Variants in SNX29 observed in about 807,000 individuals in gnomAD.
SNX29 encodes sorting nexin 29, also known as sorting nexin-29.
Under a neutral mutation model 102.1 loss-of-function variants are expected in SNX29, and 78 were observed. That is an observed-to-expected ratio of 0.76 (90% CI 0.64 to 0.92). The LOEUF is 0.92. Among genes scored for constraint, SNX29 ranks in the 40% least tolerant of loss-of-function variants. The pLI, the probability that SNX29 is intolerant of heterozygous loss-of-function variation, is 0.00. For missense variants in SNX29, 1,280 were observed against 1,061.7 expected, an observed-to-expected ratio of 1.21 and a Z score of -2.86; for synonymous variants, 580 against 414.5, an observed-to-expected ratio of 1.40 and a Z score of -4.85.
At chr16:12,356,389 T>C (rs1030649230) in intron 16 of SNX29, 110 bp downstream of exon 16, 3 of 934,210 alleles carry the variant, frequency 3.2e-6, no homozygotes, top group Admixed American at 4.5e-5. Flanking sequence ...TGGCCAGATT[T>C]GCCCACATTC....
At chr16:12,008,731 G>GTTTTTTTTTTTTTTTT (rs57686878) in intron 3 of SNX29, among the ~76,000 whole-genome samples, 1 of 139,954 alleles carries the variant, frequency 7.1e-6, no homozygotes. Context: ...ATTGTATTTA[G>GTTTTTTTTTTTTTTTT]TTTTTTTTTT....
rs1279486219 is a variant in SNX29, at chr16:12,353,650, A to T, written c.1783-2513A>T. Among the ~76,000 whole-genome samples the T allele has an allele frequency of 6.6e-5, 10 of 152,190 alleles. No individual in the cohort carries two copies. The East Asian group carries it at 1.9e-3, about 29-fold the overall frequency. ...GCACCTGTAGTTTCCTCCACTGGTCATACCTTTCTCTTCCTTGTCTCCAGG... is the reference window on the plus strand; with the variant it reads ...GCACCTGTAGTTTCCTCCACTGGTCTTACCTTTCTCTTCCTTGTCTCCAGG... On this transcript the variant is annotated intron_variant, in intron 15 of 20. Coordinates refer to ENST00000566228, the MANE Select transcript of SNX29 (RefSeq NM_032167.5).
chr16:12,207,094 C>T (rs547221882), intron 14 of SNX29, among the ~76,000 whole-genome samples: 6 of 152,166 alleles, frequency 3.9e-5, no homozygotes, highest in East Asian at 1.9e-4. Flanking sequence ...CTAGGCCAAG[C>T]GCGGTTGCTC....
intron 20 of SNX29, among the ~76,000 whole-genome samples, chr16:12,554,766 T>C (rs1442501131): frequency 6.6e-6 from 1 of 152,064 alleles, no homozygotes; most frequent in Non-Finnish European, 1.5e-5. Context: ...GAACGTGCTC[T>C]CTCCCCCGCC....
At chr16:12,033,332 G>A (rs1234102397) in intron 4 of SNX29, among the ~76,000 whole-genome samples, 1 of 151,570 alleles carries the variant, frequency 6.6e-6, no homozygotes. Context: ...CAAATTCCTT[G>A]CCCTAAGTGA....
chr16:12,412,898 C>T (rs1050443875), intron 18 of SNX29, among the ~76,000 whole-genome samples: 3 of 152,204 alleles, frequency 2.0e-5, no homozygotes, highest in East Asian at 1.9e-4. Flanking sequence ...ATTGGTGACA[C>T]TTTCTAGCCA....
intron 14 of SNX29, among the ~76,000 whole-genome samples, chr16:12,243,617 C>G (rs1301425712): frequency 6.6e-6 from 1 of 152,124 alleles, no homozygotes; most frequent in Non-Finnish European, 1.5e-5. Flanking sequence ...CAGTCTGATA[C>G]CCTATTTTGG....
chr16:12,117,596 C>T lies in SNX29; in HGVS notation c.1403-9037C>T, dbSNP rs1386901874. Among the ~76,000 whole-genome samples the T allele has an allele frequency of 2.0e-5, 3 of 152,168 alleles. No homozygotes were observed. The East Asian group carries it at 5.8e-4, about 29-fold the overall frequency. The stretch of plus-strand genomic sequence containing the variant: ...AAATTCATAGAGACGCAATGTGGAT[C>T]AGAGGTTGCCAGGGAGGAGGATGAA... On this transcript the variant is annotated intron_variant, in intron 11 of 20. Coordinates refer to ENST00000566228, the MANE Select transcript of SNX29 (RefSeq NM_032167.5).
At chr16:12,331,149 G>T (rs1317072285) in intron 15 of SNX29, among the ~76,000 whole-genome samples, 1 of 152,178 alleles carries the variant, frequency 6.6e-6, no homozygotes, top group African/African-American at 2.4e-5. Flanking sequence ...GGCCTGACTG[G>T]CCCTTCTCCA....
chr16:12,432,246 C>T (rs1031801762), intron 18 of SNX29, among the ~76,000 whole-genome samples: 13 of 152,218 alleles, frequency 8.5e-5, no homozygotes, highest in African/African-American at 3.1e-4. Context: ...TTTACGCATT[C>T]GCCAATTACC....
chr16:12,027,326 C>T lies in SNX29; in HGVS notation c.129C>T (p.Thr43=), dbSNP rs1344452081. 1 of 1,613,670 alleles carries T rather than the reference C, an allele frequency of 6.2e-7. No homozygotes were observed. The highest frequency in any genetic ancestry group is 1.3e-5 in the African/African-American group (1 of 74,904). ...GTCATTGGTTTTCTCACAGGGTCACCTGTCTGTGTGCCCAGTTTGAAGCCG... is the reference window on the plus strand; with the variant it reads ...GTCATTGGTTTTCTCACAGGGTCACTTGTCTGTGTGCCCAGTTTGAAGCCG... ...EIASDSDSRV[T]CLCAQFEAVL... Residue 43 remains threonine, a synonymous_variant, in exon 4 of 21, where the codon ACC becomes ACT. Transcript: ENST00000566228.
chr16:12,091,014 C>CAAAAAAAAAAAAA (rs58933500), intron 11 of SNX29, among the ~76,000 whole-genome samples: 27 of 53,430 alleles, frequency 5.1e-4, no homozygotes, highest in East Asian at 1.2e-3. Context: ...GACTTCATCT[C>CAAAAAAAAAAAAA]AAAAAAAAAA....
At chr16:12,555,811 A>C (rs2078303988) in intron 20 of SNX29, among the ~76,000 whole-genome samples, 1 of 151,854 alleles carries the variant, frequency 6.6e-6, no homozygotes. Context: ...CTGCCTCTGC[A>C]AGAAAGGTGC....
intron 18 of SNX29, among the ~76,000 whole-genome samples, chr16:12,445,693 C>T (rs1467038755): frequency 1.3e-5 from 2 of 152,186 alleles, no homozygotes; most frequent in African/African-American, 4.8e-5. Context: ...TTTCTGCAGC[C>T]CATCAGCTTC....
intron 19 of SNX29, among the ~76,000 whole-genome samples, chr16:12,489,882 C>A (rs977023620): frequency 6.6e-6 from 1 of 152,054 alleles, no homozygotes; most frequent in African/African-American, 2.4e-5. Flanking sequence ...CTTGGCTCAC[C>A]GCAACCTCTA....
At chr16:12,421,864 T>TCACCAG (rs952839252) in intron 18 of SNX29, among the ~76,000 whole-genome samples, 8 of 150,588 alleles carry the variant, frequency 5.3e-5, no homozygotes, top group Admixed American at 4.6e-4. Flanking sequence ...TCCATCACCA[T>TCACCAG]CACCAGCCGT....
intron 15 of SNX29, among the ~76,000 whole-genome samples, chr16:12,353,190 A>G (rs2082037004): frequency 6.6e-6 from 1 of 152,162 alleles, no homozygotes; most frequent in Non-Finnish European, 1.5e-5. Flanking sequence ...CTGTGCCTGG[A>G]AGATGGCTAG....
chr16:12,287,175 A>G (rs892580012), intron 15 of SNX29, among the ~76,000 whole-genome samples: 1 of 152,122 alleles, frequency 6.6e-6, no homozygotes, highest in African/African-American at 2.4e-5. Flanking sequence ...AACAACACAC[A>G]TAGTCATGTC....
intron 20 of SNX29, among the ~76,000 whole-genome samples, chr16:12,563,353 CCTGT>C (rs1352854069): frequency 9.1e-4 from 138 of 152,268 alleles, no homozygotes; most frequent in Admixed American, 1.8e-3. Context: ...TTATCCTGAG[CCTGT>C]CTTTTATCGC....
Sources: allele counts gnomAD v4.1 joint callset (sites outside exome capture counted in the v4.1 genomes callset), GRCh38; gene constraint gnomAD v4.1.1; transcripts MANE v1.5; gene names NCBI Gene and HGNC (gene_info 2026-07-23, HGNC 2026-07-21).